HS3ST4: variants seen among roughly 807,000 people sequenced by gnomAD.
HS3ST4 encodes heparan sulfate-glucosamine 3-sulfotransferase 4.
HS3ST4 carries 17 observed loss-of-function variants against 29.2 expected under a neutral mutation model. The observed-to-expected ratio is 0.58, with a 90% CI of 0.40 to 0.87. The LOEUF is 0.87. HS3ST4 is among the 40% of genes least tolerant of loss of function. The probability of loss-of-function intolerance (pLI) is 0.00; values close to 1 mark genes in which losing one functional copy is unlikely to be tolerated. For missense variants in HS3ST4, 627 were observed against 634.5 expected, an observed-to-expected ratio of 0.99 and a Z score of 0.13; for synonymous variants, 314 against 285.7, an observed-to-expected ratio of 1.10 and a Z score of -1.00.
At chr16:26,061,808 C>A (rs927585592) in intron 1 of HS3ST4, among the ~76,000 whole-genome samples, 3 of 152,200 alleles carry the variant, frequency 2.0e-5, no homozygotes, top group African/African-American at 7.2e-5. Flanking sequence ...CAAATATAAT[C>A]TCGTGGTGGC....
chr16:25,800,181 A>AT (rs770644120), intron 1 of HS3ST4, among the ~76,000 whole-genome samples: 1 of 148,742 alleles, frequency 6.7e-6, no homozygotes, highest in South Asian at 2.1e-4. Flanking sequence ...ATTTTTCTTA[A>AT]TGCTGTTTAT....
chr16:26,037,373 G>A (rs1180240228), intron 1 of HS3ST4, among the ~76,000 whole-genome samples: 3 of 152,206 alleles, frequency 2.0e-5, no homozygotes, highest in South Asian at 2.1e-4. Flanking sequence ...AGGAGAGATT[G>A]TGTGCCAATG....
chr16:25,693,079 C>G lies in HS3ST4; in HGVS notation c.662C>G (p.Pro221Arg), dbSNP rs767042975. ...CTGCTGGAGGCGATCCGCGTGCACC[C>G]GGACGTGCGGGCGGTGGGCGTAGAG... ...RALLEAIRVH[P>R]DVRAVGVEPH... Residue 221 changes from proline (P) to arginine (R), a missense_variant, in exon 1 of 2, where the codon CCG becomes CGG. By Grantham distance (103) the Pro-to-Arg change is moderately radical. Transcript: ENST00000331351. The G allele has an allele frequency of 6.2e-7, 1 of 1,608,332 alleles. No homozygotes were observed. Among genetic ancestry groups the G allele is most frequent in the Non-Finnish European group, 8.5e-7 (1 of 1,177,766 alleles).
chr16:26,067,977 T>C (rs2141775004), intron 1 of HS3ST4, among the ~76,000 whole-genome samples: 1 of 152,336 alleles, frequency 6.6e-6, no homozygotes, highest in African/African-American at 2.4e-5. Context: ...TGAGTCACAA[T>C]TGAAGCTCTG....
chr16:25,994,008 G>GTGTGT (rs1969137901), intron 1 of HS3ST4, among the ~76,000 whole-genome samples: 2 of 142,584 alleles, frequency 1.4e-5, no homozygotes, highest in Non-Finnish European at 3.1e-5. Flanking sequence ...GTGTGTGTGT[G>GTGTGT]GTGGAGAGAG....
intron 1 of HS3ST4, among the ~76,000 whole-genome samples, chr16:26,130,923 A>C (rs1367206794): frequency 6.6e-6 from 1 of 152,180 alleles, no homozygotes; most frequent in Non-Finnish European, 1.5e-5. Flanking sequence ...TGTAGGACAT[A>C]TCTCATATTA....
At chr16:26,119,504 T>C (rs4614730) in intron 1 of HS3ST4, among the ~76,000 whole-genome samples, 41,656 of 152,078 alleles carry the variant, frequency 0.27, 7,096 homozygotes, top group South Asian at 0.44. Context: ...GACTGAGCAA[T>C]TGAGTGGATG....
chr16:26,045,882 C>G (rs1322349525), intron 1 of HS3ST4, among the ~76,000 whole-genome samples: 3 of 152,270 alleles, frequency 2.0e-5, no homozygotes, highest in South Asian at 2.1e-4. Flanking sequence ...ATTTTGTTCT[C>G]TACACAATCT....
intron 1 of HS3ST4, among the ~76,000 whole-genome samples, chr16:25,772,350 A>G (rs938877296): frequency 2.6e-5 from 4 of 152,220 alleles, no homozygotes; most frequent in Non-Finnish European, 5.9e-5. Flanking sequence ...TTACTAGAGA[A>G]TTACAGTAGA....
At chr16:25,969,005 A>T (rs4303492) in intron 1 of HS3ST4, among the ~76,000 whole-genome samples, 1,656 of 152,248 alleles carry the variant, frequency 0.011, 15 homozygotes, top group Non-Finnish European at 0.017. Context: ...ATTTTAGCAG[A>T]GACGGGGGTT....
chr16:25,891,548 C>G (rs1044519781), intron 1 of HS3ST4, among the ~76,000 whole-genome samples: 1 of 152,146 alleles, frequency 6.6e-6, no homozygotes. Flanking sequence ...CATTTGGTCT[C>G]TGTGTCGAGA....
intron 1 of HS3ST4, among the ~76,000 whole-genome samples, chr16:25,702,247 T>C (rs1966339036): frequency 1.3e-5 from 2 of 152,112 alleles, no homozygotes; most frequent in African/African-American, 4.8e-5. Flanking sequence ...CTCCTATGAA[T>C]CTATTGGAAA....
intron 1 of HS3ST4, among the ~76,000 whole-genome samples, chr16:26,048,986 G>T (rs1233723577): frequency 6.6e-5 from 10 of 152,188 alleles, no homozygotes; most frequent in Admixed American, 5.2e-4. Flanking sequence ...AAAAAACGGA[G>T]ATAAGAAGCC....
intron 1 of HS3ST4, among the ~76,000 whole-genome samples, chr16:25,877,158 C>T (rs1967840972): frequency 6.6e-6 from 1 of 152,022 alleles, no homozygotes; most frequent in Non-Finnish European, 1.5e-5. Context: ...GCCCTAAATC[C>T]TAACATGGCT....
intron 1 of HS3ST4, among the ~76,000 whole-genome samples, chr16:25,993,251 G>A (rs762892702): frequency 6.9e-4 from 105 of 152,274 alleles, no homozygotes; most frequent in Non-Finnish European, 1.0e-3. Context: ...CAGAGCTGGG[G>A]ATGAGGTGTT....
chr16:25,893,830 C>G (rs1242368726), intron 1 of HS3ST4, among the ~76,000 whole-genome samples: 1 of 152,134 alleles, frequency 6.6e-6, no homozygotes, highest in African/African-American at 2.4e-5. Flanking sequence ...CAATAATATC[C>G]CTGAACTGTG....
chr16:26,116,554 A>G (rs182873346), intron 1 of HS3ST4, among the ~76,000 whole-genome samples: 1 of 151,314 alleles, frequency 6.6e-6, no homozygotes, highest in Non-Finnish European at 1.5e-5. Flanking sequence ...AGTAAGAAAA[A>G]TAAATTTAAA....
intron 1 of HS3ST4, among the ~76,000 whole-genome samples, chr16:26,004,788 C>T (rs1036427457): frequency 2.6e-5 from 4 of 152,118 alleles, no homozygotes; most frequent in African/African-American, 9.7e-5. Context: ...CATGATACCT[C>T]ATGAAGAATA....
At chr16:25,772,006 A>G (rs1011618148) in intron 1 of HS3ST4, among the ~76,000 whole-genome samples, 4 of 152,212 alleles carry the variant, frequency 2.6e-5, no homozygotes, top group Non-Finnish European at 5.9e-5. Flanking sequence ...TTTTCTGTAA[A>G]GGGACAGATA....
Sources: gnomAD v4.1 joint callset for allele counts (sites outside exome capture counted in the v4.1 genomes callset) on GRCh38, gnomAD v4.1.1 for gene constraint, MANE v1.5 for transcripts, NCBI Gene and HGNC (gene_info 2026-07-23, HGNC 2026-07-21) for gene names.